AP2B1: variants seen among roughly 807,000 people sequenced by gnomAD.
AP2B1 encodes adaptor related protein complex 2 subunit beta 1.
AP2B1 carries 23 observed loss-of-function variants against 102.0 expected under a neutral mutation model. That is an observed-to-expected ratio of 0.23 (90% CI 0.16 to 0.32). The LOEUF (loss-of-function observed/expected upper bound fraction) is 0.32. Ranked by LOEUF, AP2B1 falls within the 10% of genes least tolerant of loss-of-function variation. The pLI is 1.00. For synonymous variants in AP2B1, 381 were observed against 421.2 expected (o/e 0.90, Z 1.17); for missense variants, 541 against 1,157.4 (o/e 0.47, Z 7.73).
intron 2 of AP2B1, chr17:35,597,274 A>G (rs1346517258): frequency 6.1e-6 from 2 of 328,112 alleles, no homozygotes; most frequent in Non-Finnish European, 1.1e-5. Flanking sequence ...GGAGTAGTCA[A>G]CCTCTTTTTC....
chr17:35,591,958 A>G (rs1039946088), intron 1 of AP2B1, among the ~76,000 whole-genome samples: 1 of 152,218 alleles, frequency 6.6e-6, no homozygotes, highest in Non-Finnish European at 1.5e-5. Context: ...CATTCTGTGA[A>G]TTTCTGGTAC....
At chr17:35,709,382 A>G in intron 19 of AP2B1, 74 bp downstream of exon 19, 1 of 1,271,604 alleles carries the variant, frequency 7.9e-7, no homozygotes, top group Non-Finnish European at 1.1e-6. Context: ...GCATAGCCCC[A>G]GAAGTTTTGA....
chr17:35,656,458 ACT>A (rs1323478049), intron 13 of AP2B1, among the ~76,000 whole-genome samples: 1 of 152,030 alleles, frequency 6.6e-6, no homozygotes, highest in Admixed American at 6.5e-5. Context: ...AGTTTAGATT[ACT>A]CTTAGCTGAT....
intron 14 of AP2B1, among the ~76,000 whole-genome samples, chr17:35,664,261 T>C (rs1348066497): frequency 6.6e-6 from 1 of 152,166 alleles, no homozygotes; most frequent in East Asian, 1.9e-4. Flanking sequence ...TGTTTGTTTA[T>C]TTATTTTTTT....
chr17:35,625,403 TGATA>T (rs1177780925), intron 6 of AP2B1, among the ~76,000 whole-genome samples: 2 of 152,186 alleles, frequency 1.3e-5, no homozygotes, highest in Non-Finnish European at 2.9e-5. Context: ...AAGCTCACTC[TGATA>T]GTTTCTTTCC....
At chr17:35,588,935 T>G (rs1365073778) in intron 1 of AP2B1, among the ~76,000 whole-genome samples, 1 of 152,216 alleles carries the variant, frequency 6.6e-6, no homozygotes, top group Non-Finnish European at 1.5e-5. Flanking sequence ...AAATACTAAC[T>G]TTTTAGGCAC....
At chr17:35,626,274 G>T (rs961046263) in intron 6 of AP2B1, among the ~76,000 whole-genome samples, 1 of 152,094 alleles carries the variant, frequency 6.6e-6, no homozygotes, top group Non-Finnish European at 1.5e-5. Flanking sequence ...GGGCTGAGAG[G>T]CAGGGAGCCT....
Position 35,620,977 on chromosome 17 carries a change from A to G in AP2B1, c.526-3420A>G, listed in dbSNP as rs370669856. Among the ~76,000 whole-genome samples, 9 of 152,372 alleles carry G rather than the reference A, an allele frequency of 5.9e-5. No individual in the cohort carries two copies. The East Asian group carries it at 1.5e-3, about 26-fold the overall frequency. On this transcript the variant is annotated intron_variant, in intron 5 of 21. Coordinates refer to ENST00000610402, the MANE Select transcript of AP2B1 (RefSeq NM_001030006.2). ...GTGTTAACAGTTCTAAATCAAAGTAATAGTTCAAATGAAAGAAGCACACCT... is the reference window on the plus strand; with the variant it reads ...GTGTTAACAGTTCTAAATCAAAGTAGTAGTTCAAATGAAAGAAGCACACCT...
At chr17:35,649,338 G>A (rs1480981786) in intron 12 of AP2B1, among the ~76,000 whole-genome samples, 3 of 151,816 alleles carry the variant, frequency 2.0e-5, no homozygotes, top group Non-Finnish European at 2.9e-5. Context: ...AAACAATCTC[G>A]GCTCACTGCA....
intron 1 of AP2B1, among the ~76,000 whole-genome samples, chr17:35,593,242 G>C (rs774522936): frequency 2.0e-4 from 31 of 152,176 alleles, no homozygotes; most frequent in South Asian, 1.0e-3. Flanking sequence ...TAGCACAAAA[G>C]GGTGACTGCG....
At position 35,715,982 on chromosome 17, in the gene AP2B1, A is replaced by G. The variant is rs1243960345; in HGVS notation, c.2627-1213A>G. Among the ~76,000 whole-genome samples the G allele has an allele frequency of 1.6e-4, 24 of 152,194 alleles. 1 individual carries two copies. Among genetic ancestry groups the G allele is most frequent in the Non-Finnish European group, 1.0e-4 (7 of 68,042 alleles). ...ACTAGTTCACGTCTATGTCTATGGTATTATGTAAATATTGGCATCTCCAAC... is the reference window on the plus strand; with the variant it reads ...ACTAGTTCACGTCTATGTCTATGGTGTTATGTAAATATTGGCATCTCCAAC... On this transcript the variant is annotated intron_variant, in intron 20 of 21. Transcript: ENST00000610402.
chr17:35,630,787 G>A (rs2074440984), intron 9 of AP2B1, among the ~76,000 whole-genome samples: 1 of 152,174 alleles, frequency 6.6e-6, no homozygotes, highest in African/African-American at 2.4e-5. Context: ...ATGACAGGAT[G>A]TGAGGAATGA....
At chr17:35,619,860 C>A (rs577906296) in intron 5 of AP2B1, among the ~76,000 whole-genome samples, 1 of 152,202 alleles carries the variant, frequency 6.6e-6, no homozygotes, top group South Asian at 2.1e-4. Flanking sequence ...TCTTGGCTTA[C>A]CGCAACCTCT....
chr17:35,617,540 A>G (rs1157014569), intron 5 of AP2B1, among the ~76,000 whole-genome samples: 4 of 152,222 alleles, frequency 2.6e-5, no homozygotes, highest in South Asian at 4.1e-4. Flanking sequence ...TCTGAGGGCA[A>G]CTTACCCACA....
chr17:35,594,557 T>C (rs1305694378), intron 2 of AP2B1, among the ~76,000 whole-genome samples: 1 of 152,222 alleles, frequency 6.6e-6, no homozygotes, highest in Non-Finnish European at 1.5e-5. Flanking sequence ...AGTGCATATA[T>C]TAATACATAT....
At position 35,668,682 on chromosome 17, in the gene AP2B1, C is replaced by G. The variant is rs28698913; in HGVS notation, c.1990-2175C>G. Reference sequence around the variant, plus strand: ...TTAAAACACATATCAACCCTGTGTTCCAGTCTAACTGGCCTTTTCATTCTT... The same window carrying G: ...TTAAAACACATATCAACCCTGTGTTGCAGTCTAACTGGCCTTTTCATTCTT... On this transcript the variant is annotated intron_variant, in intron 14 of 21. Transcript: ENST00000610402. Among the ~76,000 whole-genome samples, 889 of 152,270 alleles carry G rather than the reference C, an allele frequency of 5.8e-3. 13 individuals carry two copies. Among genetic ancestry groups the G allele is most frequent in the African/African-American group, 0.02 (830 of 41,554 alleles).
At chr17:35,632,790 A>G (rs993312105) in intron 9 of AP2B1, among the ~76,000 whole-genome samples, 1 of 152,006 alleles carries the variant, frequency 6.6e-6, no homozygotes, top group Non-Finnish European at 1.5e-5. Context: ...ATTCATTTTA[A>G]TGATAATACT....
intron 16 of AP2B1, among the ~76,000 whole-genome samples, chr17:35,672,774 A>T (rs1207846684): frequency 1.3e-5 from 2 of 152,206 alleles, no homozygotes; most frequent in African/African-American, 4.8e-5. Flanking sequence ...TAATGCACTC[A>T]TTTACTAACA....
rs1252293770 is a variant in AP2B1 at position 35,715,033 on chromosome 17, C to T, written c.2627-2162C>T. On this transcript the variant is annotated intron_variant, in intron 20 of 21. Coordinates refer to ENST00000610402, the MANE Select transcript of AP2B1 (RefSeq NM_001030006.2). ...CTGGCTTCCCTTGCCATTCATCATA[C>T]ATTTAGCAGAATCTCATCATTCTGC... is the stretch of plus-strand genomic sequence containing the variant. 2.6e-5 allele frequency among the ~76,000 whole-genome samples: 4 copies of T among 152,362 alleles called. No individual in the cohort carries two copies. In the East Asian group the frequency reaches 7.7e-4, roughly 29 times the overall value.
Sources: allele counts gnomAD v4.1 joint callset (sites outside exome capture counted in the v4.1 genomes callset), GRCh38; gene constraint gnomAD v4.1.1; transcripts MANE v1.5; gene names NCBI Gene and HGNC (gene_info 2026-07-23, HGNC 2026-07-21).